Variants in MIER1 observed in about 807,000 individuals in gnomAD.
MIER1 encodes mesoderm induction early response protein 1.
In MIER1, 40 loss-of-function variants were observed where a neutral mutation model predicts 75.7. The observed-to-expected ratio is 0.53, with a 90% CI of 0.41 to 0.69. The LOEUF (loss-of-function observed/expected upper bound fraction) is 0.69, where lower values mean the gene tolerates loss of function less well. Ranked by LOEUF, MIER1 falls within the 30% of genes least tolerant of loss-of-function variation. The pLI, the probability that MIER1 is intolerant of heterozygous loss-of-function variation, is 0.00. For synonymous variants in MIER1, 213 were observed against 223.4 expected (o/e 0.95, Z 0.42); for missense variants, 574 against 680.2 (o/e 0.84, Z 1.74).
chr1:66,966,156 G>A (rs1399918590), intron 8 of MIER1, among the ~76,000 whole-genome samples: 1 of 151,962 alleles, frequency 6.6e-6, no homozygotes, highest in African/African-American at 2.4e-5. Context: ...ATGTACATTA[G>A]GTATATCTCC....
At chr1:66,979,078 G>T (rs1434157077) in intron 12 of MIER1, among the ~76,000 whole-genome samples, 1 of 151,994 alleles carries the variant, frequency 6.6e-6, no homozygotes, top group African/African-American at 2.4e-5. Context: ...GTAGGCTTCA[G>T]TTGTAGCCCC....
intron 8 of MIER1, among the ~76,000 whole-genome samples, chr1:66,967,701 A>T (rs1662716335): frequency 6.8e-6 from 1 of 148,032 alleles, no homozygotes. Flanking sequence ...TATAGTTGTC[A>T]TTATGGAGAT....
In MIER1 at chr1:66,987,407, A is replaced by G. The variant is rs1324147937; in HGVS notation, c.*2507A>G. The G allele has an allele frequency of 6.6e-6, 1 of 152,648 alleles. No homozygotes were observed. The highest frequency in any genetic ancestry group is 1.9e-4 in the East Asian group (1 of 5,346). 9.5% of individuals were successfully genotyped at this position (152,648 alleles called of 1,614,324 possible). A position where few individuals can be genotyped will look rare whatever the true frequency, so the allele number is the denominator to read the frequency against. ...TCCCCGCCTCATTCCCACCCCCAAC[A>G]AAGCACTATCATTTTCATTTGGAAT... On this transcript the variant is annotated 3_prime_UTR_variant, in exon 14 of 14. Transcript: ENST00000401041.
At chr1:66,954,561 G>C (rs1048956826) in intron 4 of MIER1, among the ~76,000 whole-genome samples, 2 of 152,078 alleles carry the variant, frequency 1.3e-5, no homozygotes, top group Admixed American at 1.3e-4. Context: ...TTCTCCATCT[G>C]TGCCAGTTCT....
intron 2 of MIER1, chr1:66,930,301 G>C (rs1004423436): frequency 1.3e-6 from 2 of 1,570,084 alleles, no homozygotes; most frequent in African/African-American, 1.4e-5. Flanking sequence ...GACGGCAGCG[G>C]CCGGAGTCCC....
chr1:66,932,172 GAAA>G (rs540370698), intron 2 of MIER1, among the ~76,000 whole-genome samples: 1 of 151,940 alleles, frequency 6.6e-6, no homozygotes, highest in African/African-American at 2.4e-5. Flanking sequence ...TAAGATAAAG[GAAA>G]AAAATATTTT....
At chr1:66,959,808 A>ATT in intron 7 of MIER1, 65 bp downstream of exon 7, 1 of 667,440 alleles carries the variant, frequency 1.5e-6, no homozygotes. Flanking sequence ...GCCTCGTGTA[A>ATT]TTATTTTTTT....
At chr1:66,967,155 A>G (rs1292943130) in intron 8 of MIER1, among the ~76,000 whole-genome samples, 5 of 152,188 alleles carry the variant, frequency 3.3e-5, no homozygotes, top group African/African-American at 1.2e-4. Context: ...TCTTAGATGT[A>G]AGTCTTTAAT....
At chr1:66,966,679 A>G (rs1662478905) in intron 8 of MIER1, among the ~76,000 whole-genome samples, 1 of 152,192 alleles carries the variant, frequency 6.6e-6, no homozygotes, top group Non-Finnish European at 1.5e-5. Context: ...CTATTTCTCC[A>G]CATCCTCTCC....
intron 2 of MIER1, chr1:66,930,099 C>T: frequency 2.6e-6 from 2 of 759,136 alleles, no homozygotes; most frequent in Non-Finnish European, 3.5e-6. Flanking sequence ...TTGACTCCGC[C>T]CCCTCCGCTC....
At chr1:66,968,076 T>C (rs1662793376) in intron 8 of MIER1, among the ~76,000 whole-genome samples, 1 of 152,204 alleles carries the variant, frequency 6.6e-6, no homozygotes, top group Non-Finnish European at 1.5e-5. Flanking sequence ...AAAGTAATTA[T>C]GCATATGTAA....
intron 6 of MIER1, among the ~76,000 whole-genome samples, 191 bp from the exon 7 acceptor site, chr1:66,959,488 A>C (rs1660812215): frequency 6.6e-6 from 1 of 152,142 alleles, no homozygotes. Context: ...AATTATGTAG[A>C]AAGTTTATGG....
chr1:66,987,702 GATTA>G lies in MIER1; in HGVS notation c.*2806_*2809del, dbSNP rs1289840905. On this transcript the variant is annotated 3_prime_UTR_variant, in exon 14 of 14. Coordinates refer to ENST00000401041, the MANE Select transcript of MIER1 (RefSeq NM_001077700.3). ...TAATACTGTGTGAATATTTTCATTAGATTAATTCACTAAGATTTTATTAGAGATT... is the reference window on the plus strand; with the variant it reads ...TAATACTGTGTGAATATTTTCATTAGATTCACTAAGATTTTATTAGAGATT... 7.2e-6 allele frequency: 1 copy of G among 138,834 alleles called. No individual in the cohort carries two copies. The highest frequency in any genetic ancestry group is 3.0e-5 in the African/African-American group (1 of 33,170). 8.6% of individuals were successfully genotyped at this position (138,834 alleles called of 1,614,324 possible). A position where few individuals can be genotyped will look rare whatever the true frequency, so the allele number is the denominator to read the frequency against.
chr1:66,972,533 T>C (rs1411974088), intron 10 of MIER1, among the ~76,000 whole-genome samples: 1 of 151,860 alleles, frequency 6.6e-6, no homozygotes, highest in Non-Finnish European at 1.5e-5. Flanking sequence ...AAAAGAATTA[T>C]CTCAGTGAAA....
At chr1:66,951,562 G>A (rs1658952998) in intron 4 of MIER1, among the ~76,000 whole-genome samples, 1 of 130,758 alleles carries the variant, frequency 7.6e-6, no homozygotes, top group South Asian at 2.8e-4. Context: ...CAAATATAGT[G>A]TGTATTCCTG....
intron 2 of MIER1, among the ~76,000 whole-genome samples, chr1:66,937,621 A>G (rs1655229562): frequency 6.6e-6 from 1 of 152,138 alleles, no homozygotes; most frequent in South Asian, 2.1e-4. Context: ...GTAGCACTAT[A>G]TGAATGTAAG....
At chr1:66,980,059 C>T (rs1257055067) in intron 12 of MIER1, among the ~76,000 whole-genome samples, 14 of 152,180 alleles carry the variant, frequency 9.2e-5, no homozygotes, top group Admixed American at 6.6e-4. Flanking sequence ...CCACCACACC[C>T]GGCCTTGCTT....
chr1:66,940,783 A>G (rs1442802896), intron 3 of MIER1, among the ~76,000 whole-genome samples: 1 of 152,220 alleles, frequency 6.6e-6, no homozygotes, highest in Non-Finnish European at 1.5e-5. Flanking sequence ...GTAGTTCTAC[A>G]TGGCAGTAAT....
At chr1:66,928,681 G>A (rs1008769269) in intron 2 of MIER1, among the ~76,000 whole-genome samples, 1 of 152,140 alleles carries the variant, frequency 6.6e-6, no homozygotes, top group Non-Finnish European at 1.5e-5. Flanking sequence ...CCAGAGGATT[G>A]ACATAATTCA....
Sources: allele counts gnomAD v4.1 joint callset (sites outside exome capture counted in the v4.1 genomes callset), GRCh38; gene constraint gnomAD v4.1.1; transcripts MANE v1.5; gene names NCBI Gene and HGNC (gene_info 2026-07-23, HGNC 2026-07-21).